The following EBF1 variants were observed in gnomAD, a reference collection of about 807,000 sequenced individuals.
EBF1 encodes transcription factor COE1.
EBF1 carries 10 observed loss-of-function variants against 68.4 expected under a neutral mutation model. The observed-to-expected ratio is 0.15, with a 90% CI of 0.09 to 0.25. EBF1 has a LOEUF of 0.25. Among genes scored for constraint, EBF1 ranks in the 10% least tolerant of loss-of-function variants. The pLI, the probability that EBF1 is intolerant of heterozygous loss-of-function variation, is 1.00. For missense variants in EBF1, 509 were observed against 794.4 expected, an observed-to-expected ratio of 0.64 and a Z score of 4.32; for synonymous variants, 298 against 299.8, an observed-to-expected ratio of 0.99 and a Z score of 0.06.
At chr5:158,908,896 C>T (rs1289825815) in intron 6 of EBF1, among the ~76,000 whole-genome samples, 1 of 152,180 alleles carries the variant, frequency 6.6e-6, no homozygotes, top group African/African-American at 2.4e-5. Context: ...ACCTGTCCAG[C>T]CGGGCTGTGG....
chr5:158,798,094 TTTAACA>T (rs1235556729), intron 8 of EBF1, among the ~76,000 whole-genome samples: 2 of 152,204 alleles, frequency 1.3e-5, no homozygotes, highest in African/African-American at 4.8e-5. Context: ...ATAAACTATA[TTTAACA>T]ACTACATAAA....
chr5:159,072,907 GTAGAAA>G (rs1561947802), intron 6 of EBF1, among the ~76,000 whole-genome samples: 1 of 152,116 alleles, frequency 6.6e-6, no homozygotes, highest in African/African-American at 2.4e-5. Context: ...GCAAATAACA[GTAGAAA>G]ATCTTGGTTC....
chr5:159,091,672 T>C (rs538082849), intron 4 of EBF1, among the ~76,000 whole-genome samples: 1 of 152,288 alleles, frequency 6.6e-6, no homozygotes, highest in East Asian at 1.9e-4. Flanking sequence ...CAGGATATAA[T>C]GAAACAATCA....
At chr5:158,978,795 C>T (rs901984357) in intron 6 of EBF1, among the ~76,000 whole-genome samples, 12 of 93,768 alleles carry the variant, frequency 1.3e-4, no homozygotes, top group African/African-American at 3.8e-4. Context: ...CACACACACA[C>T]ATACACACAC....
rs1037324990 is a variant in EBF1, at chr5:158,698,374, A to G, written c.*737T>C. Reference sequence around the variant, plus strand: ...AATATGCAGTTTTAACAATCTGTCTAGAGGCACTGGATTTTCGAGTAGAGG... The same window carrying G: ...AATATGCAGTTTTAACAATCTGTCTGGAGGCACTGGATTTTCGAGTAGAGG... On this transcript the variant is annotated 3_prime_UTR_variant, in exon 16 of 16. Transcript: ENST00000313708. 4.4e-6 allele frequency: 1 copy of G among 225,132 alleles called. No individual in the cohort carries two copies. The highest frequency in any genetic ancestry group is 8.9e-6 in the Non-Finnish European group (1 of 112,678). 13.9% of individuals were successfully genotyped at this position (225,132 alleles called of 1,614,324 possible). A position where few individuals can be genotyped will look rare whatever the true frequency, so the allele number is the denominator to read the frequency against.
chr5:159,080,163 C>T (rs1779495727), intron 5 of EBF1, among the ~76,000 whole-genome samples: 1 of 152,168 alleles, frequency 6.6e-6, no homozygotes, highest in East Asian at 1.9e-4. Flanking sequence ...GACCATCCAC[C>T]TGCAGGACTC....
At chr5:159,026,040 G>A (rs1264510300) in intron 6 of EBF1, among the ~76,000 whole-genome samples, 1 of 152,214 alleles carries the variant, frequency 6.6e-6, no homozygotes, top group Non-Finnish European at 1.5e-5. Flanking sequence ...ATGAAATAGA[G>A]CATGGTGGGA....
At chr5:158,704,880 G>C (rs1757531118) in intron 15 of EBF1, among the ~76,000 whole-genome samples, 1 of 152,198 alleles carries the variant, frequency 6.6e-6, no homozygotes, top group Non-Finnish European at 1.5e-5. Context: ...AGAGCTTAAA[G>C]TGAGATGTTT....
At chr5:158,994,324 T>A (rs1257865146) in intron 6 of EBF1, among the ~76,000 whole-genome samples, 1 of 152,258 alleles carries the variant, frequency 6.6e-6, no homozygotes, top group Non-Finnish European at 1.5e-5. Flanking sequence ...ATTTGGGTAC[T>A]GTGTACAGTG....
intron 11 of EBF1, among the ~76,000 whole-genome samples, chr5:158,718,777 C>A (rs1761296790): frequency 6.6e-6 from 1 of 152,140 alleles, no homozygotes; most frequent in Non-Finnish European, 1.5e-5. Context: ...TACCCCAGCT[C>A]CTAATATCTC....
At chr5:158,786,392 GTTAT>G (rs3981250) in intron 9 of EBF1, among the ~76,000 whole-genome samples, 36 of 152,146 alleles carry the variant, frequency 2.4e-4, no homozygotes, top group Middle Eastern at 3.4e-3. Context: ...GGTTTTGTGG[GTTAT>G]TTATTTATTT....
intron 6 of EBF1, among the ~76,000 whole-genome samples, chr5:158,887,307 T>C (rs1424989668): frequency 6.6e-6 from 1 of 152,202 alleles, no homozygotes; most frequent in Middle Eastern, 3.2e-3. Context: ...GATACATCTT[T>C]TCCTTGTCAA....
At chr5:158,833,940 G>T (rs370825829) in intron 7 of EBF1, among the ~76,000 whole-genome samples, 1 of 152,148 alleles carries the variant, frequency 6.6e-6, no homozygotes, top group Non-Finnish European at 1.5e-5. Context: ...CTGAATGCAC[G>T]CATTCCTGCA....
At chr5:159,041,757 A>G (rs935301838) in intron 6 of EBF1, among the ~76,000 whole-genome samples, 1 of 152,190 alleles carries the variant, frequency 6.6e-6, no homozygotes, top group Non-Finnish European at 1.5e-5. Context: ...ACCAGCTCCT[A>G]TATTTAGTTC....
intron 1 of EBF1, 124 bp from the exon 2 acceptor site, chr5:159,097,254 G>GTGAAGAGCGCCCA: frequency 1.8e-6 from 2 of 1,118,110 alleles, no homozygotes; most frequent in Non-Finnish European, 2.5e-6. Context: ...TCCAGTGGGC[G>GTGAAGAGCGCCCA]CTCTTCACGC....
At chr5:158,961,998 T>C (rs1460909508) in intron 6 of EBF1, among the ~76,000 whole-genome samples, 1 of 152,222 alleles carries the variant, frequency 6.6e-6, no homozygotes, top group Non-Finnish European at 1.5e-5. Flanking sequence ...TGTTTACACC[T>C]TGCATCTGTG....
At chr5:158,817,243 ATT>A (rs11349710) in intron 8 of EBF1, among the ~76,000 whole-genome samples, 11,391 of 148,764 alleles carry the variant, frequency 0.077, 485 homozygotes, top group South Asian at 0.11. Context: ...ATACCTGGCA[ATT>A]TTTTTTTTTG....
chr5:159,091,624 A>C (rs1781661405), intron 4 of EBF1, among the ~76,000 whole-genome samples: 1 of 152,250 alleles, frequency 6.6e-6, no homozygotes, highest in African/African-American at 2.4e-5. Context: ...AAGAACCATG[A>C]ACTGAAAGGG....
intron 6 of EBF1, among the ~76,000 whole-genome samples, chr5:158,883,375 TGTA>T (rs1382234560): frequency 2.0e-5 from 3 of 149,562 alleles, no homozygotes; most frequent in Admixed American, 1.3e-4. Context: ...CATACATACA[TGTA>T]TATATATACA....
Sources: allele counts gnomAD v4.1 joint callset (sites outside exome capture counted in the v4.1 genomes callset), GRCh38; gene constraint gnomAD v4.1.1; transcripts MANE v1.5; gene names NCBI Gene and HGNC (gene_info 2026-07-23, HGNC 2026-07-21).